NRG1: variants seen among roughly 807,000 people sequenced by gnomAD.
NRG1 encodes the protein pro-neuregulin-1, membrane-bound isoform.
Under a neutral mutation model 63.8 loss-of-function variants are expected in NRG1, and 18 were observed. The ratio of observed to expected loss-of-function variants is 0.28; its 90% CI spans 0.19 to 0.42. The LOEUF (loss-of-function observed/expected upper bound fraction) is 0.42. NRG1 is among the 10% of genes least tolerant of loss of function. NRG1 has a pLI of 1.00. For synonymous variants in NRG1, 302 were observed against 301.3 expected, an observed-to-expected ratio of 1.00 and a Z score of -0.02; for missense variants, 762 against 814.7, an observed-to-expected ratio of 0.94 and a Z score of 0.79.
At chr8:32,684,203 T>C (rs1016727910) in intron 5 of NRG1, among the ~76,000 whole-genome samples, 3 of 152,158 alleles carry the variant, frequency 2.0e-5, no homozygotes, top group Non-Finnish European at 4.4e-5. Flanking sequence ...TCTTAGGGCA[T>C]AGAGGCAATG....
intron 1 of NRG1, among the ~76,000 whole-genome samples, chr8:32,244,076 A>C (rs1468306703): frequency 6.6e-6 from 1 of 152,170 alleles, no homozygotes; most frequent in Non-Finnish European, 1.5e-5. Flanking sequence ...CTTTTAGGAA[A>C]TGTGGATCCC....
chr8:31,663,183 C>A (rs192181009), intron 1 of NRG1, among the ~76,000 whole-genome samples: 13 of 152,242 alleles, frequency 8.5e-5, no homozygotes, highest in Middle Eastern at 3.4e-3. Flanking sequence ...CTCCACAAAC[C>A]CAGAATAAAT....
intron 1 of NRG1, among the ~76,000 whole-genome samples, chr8:32,467,841 C>T (rs1432368008): frequency 6.6e-6 from 1 of 152,180 alleles, no homozygotes; most frequent in African/African-American, 2.4e-5. Context: ...CCTTCAATTT[C>T]AGTTCTTGGT....
chr8:32,115,593 G>T (rs972627141), intron 1 of NRG1, among the ~76,000 whole-genome samples: 3 of 152,082 alleles, frequency 2.0e-5, no homozygotes, highest in African/African-American at 7.2e-5. Context: ...CTGTCTCAAG[G>T]ATGGCAAAGG....
chr8:31,941,189 A>G (rs1183222399), intron 1 of NRG1, among the ~76,000 whole-genome samples: 1 of 152,106 alleles, frequency 6.6e-6, no homozygotes, highest in Non-Finnish European at 1.5e-5. Flanking sequence ...TATCAAAAAG[A>G]TAATCCACCA....
intron 1 of NRG1, among the ~76,000 whole-genome samples, chr8:32,293,686 A>AT (rs1854480369): frequency 9.2e-6 from 1 of 108,170 alleles, no homozygotes; most frequent in Admixed American, 8.6e-5. Context: ...GGTTCTCTTT[A>AT]TTTTTTACTA....
intron 1 of NRG1, among the ~76,000 whole-genome samples, chr8:32,370,888 A>G (rs71512620): frequency 6.6e-6 from 1 of 150,516 alleles, no homozygotes; most frequent in African/African-American, 2.4e-5. Flanking sequence ...AAAAAAGACA[A>G]CAACAACGAC....
At chr8:32,260,716 T>G (rs1202391135) in intron 1 of NRG1, among the ~76,000 whole-genome samples, 1 of 152,112 alleles carries the variant, frequency 6.6e-6, no homozygotes, top group Non-Finnish European at 1.5e-5. Flanking sequence ...CTGCGTAGAG[T>G]AGGATGGCTA....
At chr8:31,953,343 G>C (rs967327185) in intron 1 of NRG1, among the ~76,000 whole-genome samples, 4 of 152,150 alleles carry the variant, frequency 2.6e-5, no homozygotes, top group Admixed American at 2.0e-4. Context: ...ATAAAATACA[G>C]CTATTGATTA....
In NRG1 at chr8:32,034,782, G is replaced by A. The variant is rs561799158; in HGVS notation, c.37+395351G>A. On this transcript the variant is annotated intron_variant, in intron 1 of 10. Transcript: ENST00000519301. ...TGATGGTTGTTTGTATTTCTGTGGG[G>A]TCAGTGGTGATATCCCTTTATCATT... Among the ~76,000 whole-genome samples the A allele has an allele frequency of 1.3e-3, 193 of 152,010 alleles. 1 individual carries two copies. The highest frequency in any genetic ancestry group is 4.3e-3 in the African/African-American group (177 of 41,484).
intron 1 of NRG1, among the ~76,000 whole-genome samples, chr8:31,870,005 A>AT (rs1334497280): frequency 2.0e-5 from 3 of 152,228 alleles, no homozygotes; most frequent in Non-Finnish European, 4.4e-5. Flanking sequence ...GCTACTGCAA[A>AT]TTTGTCAGAA....
At chr8:31,676,892 T>C (rs1337921218) in intron 1 of NRG1, among the ~76,000 whole-genome samples, 1 of 152,206 alleles carries the variant, frequency 6.6e-6, no homozygotes, top group Admixed American at 6.5e-5. Flanking sequence ...AGGTAATGCA[T>C]ACAAAGTGTC....
intron 1 of NRG1, among the ~76,000 whole-genome samples, chr8:31,760,605 G>GA (rs1334416213): frequency 1.3e-5 from 2 of 151,838 alleles, no homozygotes; most frequent in East Asian, 1.9e-4. Flanking sequence ...AAATTTACAA[G>GA]AAAAAAACAA....
intron 1 of NRG1, among the ~76,000 whole-genome samples, chr8:32,078,584 A>AAG (rs1431992255): frequency 6.6e-6 from 1 of 152,202 alleles, no homozygotes. Context: ...GTATCCATTG[A>AAG]AGACTCTGAC....
intron 1 of NRG1, among the ~76,000 whole-genome samples, chr8:32,575,244 G>A: frequency 6.6e-6 from 1 of 152,038 alleles, no homozygotes; most frequent in East Asian, 1.9e-4. Flanking sequence ...TGTCATTCTT[G>A]GCTACTTCCT....
At chr8:32,773,320 G>C (rs1194351611) in intron 7 of NRG1, among the ~76,000 whole-genome samples, 1 of 152,080 alleles carries the variant, frequency 6.6e-6, no homozygotes, top group Non-Finnish European at 1.5e-5. Flanking sequence ...TTTGCCTGAG[G>C]TGTTAGATCT....
At chr8:32,743,573 C>CACATATATATATATATAT (rs1554660461) in intron 7 of NRG1, among the ~76,000 whole-genome samples, 1 of 113,714 alleles carries the variant, frequency 8.8e-6, no homozygotes, top group Admixed American at 9.9e-5. Context: ...TAAGGCAAAA[C>CACATATATATATATATAT]ATATATATAT....
chr8:31,894,493 A>G (rs1292289519), intron 1 of NRG1, among the ~76,000 whole-genome samples: 2 of 152,066 alleles, frequency 1.3e-5, no homozygotes, highest in Non-Finnish European at 2.9e-5. Context: ...AAATATGGTA[A>G]ATTGTTTGCA....
At chr8:32,482,343 C>T (rs1434851643) in intron 1 of NRG1, among the ~76,000 whole-genome samples, 3 of 151,728 alleles carry the variant, frequency 2.0e-5, no homozygotes, top group South Asian at 4.1e-4. Context: ...TGATCATTGA[C>T]ATTACCCTTA....
Sources: allele counts gnomAD v4.1 joint callset (sites outside exome capture counted in the v4.1 genomes callset), GRCh38; gene constraint gnomAD v4.1.1; transcripts MANE v1.5; gene names NCBI Gene and HGNC (gene_info 2026-07-23, HGNC 2026-07-21).